NPSR1: variants seen among roughly 807,000 people sequenced by gnomAD.
The protein encoded by NPSR1 is neuropeptide S receptor.
NPSR1 carries 48 observed loss-of-function variants against 46.9 expected under a neutral mutation model. The ratio of observed to expected loss-of-function variants is 1.02; its 90% CI spans 0.81 to 1.30. NPSR1 has a LOEUF of 1.30. NPSR1 is among the 50% of genes most tolerant of loss of function. NPSR1 has a pLI of 0.00. For synonymous variants in NPSR1, 176 were observed against 168.1 expected (o/e 1.05, Z -0.36); for missense variants, 450 against 449.5 (o/e 1.00, Z -0.01).
chr7:34,676,795 T>C (rs1048490153), intron 1 of NPSR1, among the ~76,000 whole-genome samples: 1 of 152,074 alleles, frequency 6.6e-6, no homozygotes, highest in Non-Finnish European at 1.5e-5. Flanking sequence ...CCAAAAGCAT[T>C]TGCCCGGGGA....
Position 34,662,519 on chromosome 7 carries a change from C to G in NPSR1, c.147+3960C>G, listed in dbSNP as rs181883332. ...TCCAGAATCCCTCATGTCCCAACCC[C>G]CAAATGTATCTCCTGCAATTTGTAA... On this transcript the variant is annotated intron_variant, in intron 1 of 8. Coordinates refer to ENST00000360581, the MANE Select transcript of NPSR1 (RefSeq NM_207172.2). Among the ~76,000 whole-genome samples the G allele has an allele frequency of 5.3e-5, 8 of 152,268 alleles. No homozygotes were observed. The East Asian group carries it at 5.8e-4, about 11-fold the overall frequency.
At chr7:34,769,880 T>TA (rs1288795908) in intron 2 of NPSR1, among the ~76,000 whole-genome samples, 3 of 152,216 alleles carry the variant, frequency 2.0e-5, no homozygotes, top group Non-Finnish European at 1.5e-5. Context: ...TGGAGGTGAT[T>TA]AAGCCTTTAA....
intron 4 of NPSR1, among the ~76,000 whole-genome samples, chr7:34,818,963 A>G (rs1020540923): frequency 1.3e-5 from 2 of 152,190 alleles, no homozygotes; most frequent in Admixed American, 6.5e-5. Context: ...AACCATAAAA[A>G]CCCTAGAAGA....
intron 3 of NPSR1, among the ~76,000 whole-genome samples, chr7:34,796,677 C>T (rs186285947): frequency 9.5e-4 from 144 of 152,238 alleles, no homozygotes; most frequent in Non-Finnish European, 1.9e-3. Flanking sequence ...ACATTAACAA[C>T]ACAAAATGCT....
intron 2 of NPSR1, among the ~76,000 whole-genome samples, chr7:34,715,161 G>A (rs542451526): frequency 2.6e-5 from 4 of 152,322 alleles, no homozygotes; most frequent in African/African-American, 7.2e-5. Flanking sequence ...GCAGAGATAT[G>A]ACGGCCTCAT....
chr7:34,810,619 G>T (rs539165344), intron 3 of NPSR1, among the ~76,000 whole-genome samples: 21 of 152,288 alleles, frequency 1.4e-4, no homozygotes, highest in African/African-American at 5.1e-4. Context: ...ATCATCTCTT[G>T]ACTCCCACTG....
chr7:34,811,764 C>G lies in NPSR1; in HGVS notation c.385-6C>G. 6.2e-7 allele frequency: 1 copy of G among 1,601,692 alleles called. No homozygotes were observed. The highest frequency in any genetic ancestry group is 8.5e-7 in the Non-Finnish European group (1 of 1,171,698). On this transcript the variant is annotated splice_polypyrimidine_tract_variant and splice_region_variant and intron_variant, in intron 3 of 8. Coordinates refer to ENST00000360581, the MANE Select transcript of NPSR1 (RefSeq NM_207172.2). ...GTCATAAGCTTCCTCTCATTTCTGTCTTTAGGTTGTGCTGCTCTACGCCTC... is the reference window on the plus strand; with the variant it reads ...GTCATAAGCTTCCTCTCATTTCTGTGTTTAGGTTGTGCTGCTCTACGCCTC...
Position 34,750,657 on chromosome 7 carries a change from T to C in NPSR1, c.281-27805T>C, listed in dbSNP as rs186962582. On this transcript the variant is annotated intron_variant, in intron 2 of 8. Transcript: ENST00000360581. ...TTGGCCCCATGTTGTAGCTTGCCCA[T>C]AACTGACAAAAAAGAACTGAAGATG... The C allele has an allele frequency of 1.4e-4, 96 of 695,594 alleles. No homozygotes were observed. The African/African-American group carries it at 1.5e-3, about 11-fold the overall frequency. The allele number at this position is 695,594 out of a possible 1,614,324, so 43.1% of individuals were successfully genotyped here.
At chr7:34,738,808 A>C (rs1784803593) in intron 2 of NPSR1, among the ~76,000 whole-genome samples, 1 of 152,222 alleles carries the variant, frequency 6.6e-6, no homozygotes, top group Non-Finnish European at 1.5e-5. Context: ...GGCAGTTAGT[A>C]CATTCAAAAT....
At chr7:34,828,139 G>A (rs546315024) in intron 5 of NPSR1, among the ~76,000 whole-genome samples, 1 of 152,354 alleles carries the variant, frequency 6.6e-6, no homozygotes, top group South Asian at 2.1e-4. Context: ...CTATGCAGTG[G>A]AGTCAGATAA....
chr7:34,683,303 C>T (rs1043476200), intron 1 of NPSR1, among the ~76,000 whole-genome samples: 5 of 151,790 alleles, frequency 3.3e-5, no homozygotes, highest in Admixed American at 6.6e-5. Flanking sequence ...AAAAATTCGC[C>T]GGGCGTGGTG....
intron 2 of NPSR1, chr7:34,750,303 G>C (rs1046119932): frequency 3.0e-5 from 21 of 698,606 alleles, no homozygotes; most frequent in Non-Finnish European, 4.9e-5. Flanking sequence ...ATTTTCTTGG[G>C]TGTCCTGTCT....
intron 8 of NPSR1, among the ~76,000 whole-genome samples, chr7:34,870,052 G>T (rs1791414300): frequency 6.6e-6 from 1 of 151,762 alleles, no homozygotes; most frequent in Non-Finnish European, 1.5e-5. Flanking sequence ...TGCTCTCTGT[G>T]CCTAGAAATC....
At chr7:34,733,737 A>C (rs1218974353) in intron 2 of NPSR1, among the ~76,000 whole-genome samples, 1 of 152,200 alleles carries the variant, frequency 6.6e-6, no homozygotes, top group African/African-American at 2.4e-5. Flanking sequence ...AAATTACATT[A>C]CTTTTGCATT....
At chr7:34,669,787 C>T (rs1791951612) in intron 1 of NPSR1, among the ~76,000 whole-genome samples, 1 of 152,120 alleles carries the variant, frequency 6.6e-6, no homozygotes. Flanking sequence ...AGTAAAGTGA[C>T]CTTCCCAAGG....
chr7:34,758,842 C>T (rs1179811852), intron 2 of NPSR1, among the ~76,000 whole-genome samples: 3 of 152,174 alleles, frequency 2.0e-5, no homozygotes, highest in Non-Finnish European at 2.9e-5. Context: ...CAAAAAACCC[C>T]GAATCATGTA....
chr7:34,831,409 C>A (rs1790113202), intron 5 of NPSR1, among the ~76,000 whole-genome samples: 1 of 151,010 alleles, frequency 6.6e-6, no homozygotes, highest in South Asian at 2.1e-4. Flanking sequence ...CAGTTTTTGG[C>A]ATATGATAGC....
chr7:34,675,619 C>T (rs1792274875), intron 1 of NPSR1, among the ~76,000 whole-genome samples: 1 of 152,234 alleles, frequency 6.6e-6, no homozygotes, highest in African/African-American at 2.4e-5. Context: ...AGGCTTAGTG[C>T]CTGCCAGCAT....
chr7:34,684,761 C>CAAA, intron 2 of NPSR1, 77 bp downstream of exon 2: 6 of 946,486 alleles, frequency 6.3e-6, no homozygotes, highest in East Asian at 3.4e-5. Flanking sequence ...TGAATTTTAT[C>CAAA]AAAAAAAAAA....
Sources: allele counts gnomAD v4.1 joint callset (sites outside exome capture counted in the v4.1 genomes callset), GRCh38; gene constraint gnomAD v4.1.1; transcripts MANE v1.5; gene names NCBI Gene and HGNC (gene_info 2026-07-23, HGNC 2026-07-21).